Variants in RBP7 observed in about 807,000 individuals in gnomAD.
RBP7 encodes retinol binding protein 7, also known as retinoid-binding protein 7.
Under a neutral mutation model 16.7 loss-of-function variants are expected in RBP7, and 13 were observed. The observed-to-expected ratio is 0.78, with a 90% CI of 0.51 to 1.24. The LOEUF is 1.24. Among genes scored for constraint, RBP7 ranks in the 50% most tolerant of loss-of-function variants. The pLI, the probability that RBP7 is intolerant of heterozygous loss-of-function variation, is 0.00. For synonymous variants in RBP7, 54 were observed against 56.2 expected (o/e 0.96, Z 0.17); for missense variants, 145 against 159.5 (o/e 0.91, Z 0.49).
intron 3 of RBP7, among the ~76,000 whole-genome samples, chr1:10,012,877 T>TGAGCCAA (rs1642665170): frequency 7.5e-6 from 1 of 134,174 alleles, no homozygotes. Context: ...GAGGTTGCAG[T>TGAGCCAA]GAGCCAAGAG....
At chr1:10,003,340 C>A (rs906789220) in intron 1 of RBP7, among the ~76,000 whole-genome samples, 4 of 152,226 alleles carry the variant, frequency 2.6e-5, no homozygotes, top group African/African-American at 7.2e-5. Flanking sequence ...GCAGGAGAAT[C>A]ATTTGAATCC....
intron 1 of RBP7, chr1:10,006,887 AAGGC>A: frequency 2.5e-6 from 1 of 395,590 alleles, no homozygotes; most frequent in Non-Finnish European, 4.9e-6. Flanking sequence ...AAGGCAGAAA[AAGGC>A]AGAGTTATGA....
At position 10,008,163 on chromosome 1, in the gene RBP7, C is replaced by T; in HGVS notation, c.253-10C>T. On this transcript the variant is annotated splice_polypyrimidine_tract_variant and intron_variant, in intron 2 of 3. Transcript: ENST00000294435. Reference sequence around the variant, plus strand: ...AGGACAAGCTAACATTTTCTCCTCTCTTCATGCAGAGTTTGGTTATCTGGG... The same window carrying T: ...AGGACAAGCTAACATTTTCTCCTCTTTTCATGCAGAGTTTGGTTATCTGGG... The T allele has an allele frequency of 6.4e-7, 1 of 1,569,798 alleles. No individual in the cohort carries two copies. Among genetic ancestry groups the T allele is most frequent in the East Asian group, 2.2e-5 (1 of 44,692 alleles).
intron 3 of RBP7, among the ~76,000 whole-genome samples, chr1:10,010,276 T>C (rs572942992): frequency 6.7e-6 from 1 of 149,358 alleles, no homozygotes; most frequent in Non-Finnish European, 1.5e-5. Flanking sequence ...CCACGACACC[T>C]GGGTAATTTT....
At position 10,007,597 on chromosome 1, in the gene RBP7, C is replaced by A; in HGVS notation, c.101C>A (p.Ala34Asp). Residue 34 changes from alanine to aspartate, a missense_variant, in exon 2 of 4, where the codon GCC becomes GAC. Ala to Asp is a moderately radical substitution (Grantham distance 126). Coordinates refer to ENST00000294435, the MANE Select transcript of RBP7 (RefSeq NM_052960.3). ...LGIDFATRKI[A>D]KLLKPQKVIE... ...ATTGACTTTGCCACTCGTAAAATAG[C>A]CAAGTTGCTGAAGCCACAGAAAGTG... The A allele has an allele frequency of 6.2e-7, 1 of 1,610,908 alleles. No homozygotes were observed. Among genetic ancestry groups the A allele is most frequent in the Non-Finnish European group, 8.5e-7 (1 of 1,179,048 alleles).
chr1:10,008,308 A>G, intron 3 of RBP7, 34 bp downstream of exon 3: 1 of 1,401,270 alleles, frequency 7.1e-7, no homozygotes, highest in South Asian at 1.2e-5. Context: ...ATGAGATGAT[A>G]CAGTATTAAA....
At chr1:10,001,985 CA>C in intron 1 of RBP7, among the ~76,000 whole-genome samples, 1 of 152,164 alleles carries the variant, frequency 6.6e-6, no homozygotes, top group Non-Finnish European at 1.5e-5. Flanking sequence ...CACGCCCCCA[CA>C]CCCCGTTAAT....
At chr1:9,999,068 C>T (rs954007568) in intron 1 of RBP7, among the ~76,000 whole-genome samples, 1 of 152,130 alleles carries the variant, frequency 6.6e-6, no homozygotes, top group Non-Finnish European at 1.5e-5. Context: ...GTTTTCCCCA[C>T]ACTGTTCTGG....
intron 1 of RBP7, among the ~76,000 whole-genome samples, chr1:10,006,749 GTGTA>G (rs1485529770): frequency 2.8e-5 from 4 of 143,878 alleles, no homozygotes; most frequent in African/African-American, 8.3e-5. Context: ...GTGTGTGTGT[GTGTA>G]TATATATATA....
In RBP7 at chr1:10,007,304, A is replaced by G. The variant is rs1404793879; in HGVS notation, c.74-266A>G. On this transcript the variant is annotated intron_variant, in intron 1 of 3. Coordinates refer to ENST00000294435, the MANE Select transcript of RBP7 (RefSeq NM_052960.3). ...TTGCTATGTTGCCCAGGCTGGTCTCAAACTCCTAAGCTCAAACAATCCTCC... is the reference window on the plus strand; with the variant it reads ...TTGCTATGTTGCCCAGGCTGGTCTCGAACTCCTAAGCTCAAACAATCCTCC... 4 of 390,010 alleles carry G rather than the reference A, an allele frequency of 1.0e-5. No homozygotes were observed. In the East Asian group the frequency reaches 2.2e-4, roughly 22 times the overall value. 24.2% of individuals were successfully genotyped at this position (390,010 alleles called of 1,614,324 possible). A position where few individuals can be genotyped will look rare whatever the true frequency, so the allele number is the denominator to read the frequency against.
chr1:10,010,467 A>G (rs1404719158), intron 3 of RBP7, among the ~76,000 whole-genome samples: 1 of 151,780 alleles, frequency 6.6e-6, no homozygotes, highest in Non-Finnish European at 1.5e-5. Flanking sequence ...TCCAGGCTTG[A>G]GTGCAGTGGC....
intron 1 of RBP7, chr1:10,007,322 A>G (rs1642474979): frequency 4.6e-6 from 2 of 439,380 alleles, no homozygotes; most frequent in African/African-American, 4.1e-5. Flanking sequence ...AAGCTCAAAC[A>G]ATCCTCCTGT....
chr1:9,998,621 G>C (rs1011969325), intron 1 of RBP7, among the ~76,000 whole-genome samples: 1 of 150,856 alleles, frequency 6.6e-6, no homozygotes, highest in Non-Finnish European at 1.5e-5. Context: ...TGTTGGCCAG[G>C]CTGGTCTCGA....
At chr1:10,008,981 G>T (rs1057067736) in intron 3 of RBP7, among the ~76,000 whole-genome samples, 3 of 152,098 alleles carry the variant, frequency 2.0e-5, no homozygotes, top group African/African-American at 7.2e-5. Flanking sequence ...CAATTACTGT[G>T]CTCAATCCTT....
At chr1:10,004,997 AAAT>A (rs759863288) in intron 1 of RBP7, among the ~76,000 whole-genome samples, 3 of 152,058 alleles carry the variant, frequency 2.0e-5, no homozygotes, top group Non-Finnish European at 1.5e-5. Flanking sequence ...TGTCTCAAAA[AAAT>A]AATAATAATA....
chr1:10,014,360 G>A (rs1002386406), intron 3 of RBP7, among the ~76,000 whole-genome samples: 3 of 151,404 alleles, frequency 2.0e-5, no homozygotes, highest in African/African-American at 7.3e-5. Flanking sequence ...CCATCAGGCT[G>A]TTTCTTTTCT....
Position 10,002,448 on chromosome 1 carries a change from A to G in RBP7, c.73+5117A>G, listed in dbSNP as rs181664188. Among the ~76,000 whole-genome samples the G allele has an allele frequency of 2.1e-3, 314 of 152,118 alleles. 3 individuals are homozygous for G. Among genetic ancestry groups the G allele is most frequent in the African/African-American group, 7.1e-3 (294 of 41,530 alleles). On this transcript the variant is annotated intron_variant, in intron 1 of 3. Coordinates refer to ENST00000294435, the MANE Select transcript of RBP7 (RefSeq NM_052960.3). The stretch of plus-strand genomic sequence containing the variant: ...ACTGTTGGACTGTTGAGGTTCTAGT[A>G]AGTGTGGACCTGGCAGAAAGTGACC...
intron 1 of RBP7, among the ~76,000 whole-genome samples, chr1:9,998,622 C>A (rs753973975): frequency 2.0e-5 from 3 of 151,312 alleles, no homozygotes; most frequent in East Asian, 3.9e-4. Flanking sequence ...GTTGGCCAGG[C>A]TGGTCTCGAA....
chr1:10,002,612 A>G (rs912532225), intron 1 of RBP7, among the ~76,000 whole-genome samples: 1 of 151,852 alleles, frequency 6.6e-6, no homozygotes, highest in East Asian at 1.9e-4. Context: ...CGATCCTCCC[A>G]CCTCAGCCTC....
Sources: allele counts gnomAD v4.1 joint callset (sites outside exome capture counted in the v4.1 genomes callset), GRCh38; gene constraint gnomAD v4.1.1; transcripts MANE v1.5; gene names NCBI Gene and HGNC (gene_info 2026-07-23, HGNC 2026-07-21).